The following USP6NL variants were observed in gnomAD, a reference collection of about 807,000 sequenced individuals.
The protein encoded by USP6NL is USP6 N-terminal like.
USP6NL carries 26 observed loss-of-function variants against 61.9 expected under a neutral mutation model. The ratio of observed to expected loss-of-function variants is 0.42; its 90% confidence interval spans 0.31 to 0.58. The LOEUF is 0.58. USP6NL is among the 20% of genes least tolerant of loss of function. The pLI, the probability that USP6NL is intolerant of heterozygous loss-of-function variation, is 0.16. For missense variants in USP6NL, 1,114 were observed against 1,034.3 expected, an observed-to-expected ratio of 1.08 and a Z score of -1.06; for synonymous variants, 432 against 390.1, an observed-to-expected ratio of 1.11 and a Z score of -1.27.
intron 4 of USP6NL, among the ~76,000 whole-genome samples, chr10:11,524,758 T>C (rs1835350863): frequency 6.6e-6 from 1 of 152,174 alleles, no homozygotes; most frequent in Admixed American, 6.5e-5. Flanking sequence ...GGAACTAAAG[T>C]ATAAAGATGA....
rs2096217759 is a variant in USP6NL, at chr10:11,462,352, T to C, written c.*89A>G. The C allele has an allele frequency of 5.7e-6, 8 of 1,413,078 alleles. No homozygotes were observed. The highest frequency in any genetic ancestry group is 7.6e-6 in the Non-Finnish European group (8 of 1,054,762). 87.5% of individuals were successfully genotyped at this position (1,413,078 alleles called of 1,614,324 possible). A position where few individuals can be genotyped will look rare whatever the true frequency, so the allele number is the denominator to read the frequency against. ...GGAGAGATGTGCGAGTTGTTTACAA[T>C]AGTATAAATACTGCTTTGGCAATTA... is the stretch of plus-strand genomic sequence containing the variant. On this transcript the variant is annotated 3_prime_UTR_variant, in exon 15 of 15. Coordinates refer to ENST00000609104, the MANE Select transcript of USP6NL (RefSeq NM_014688.5).
At position 11,489,479 on chromosome 10, in the gene USP6NL, T is replaced by G. The variant is rs1393074402; in HGVS notation, c.544-257A>C. Among the ~76,000 whole-genome samples, 2 of 152,218 alleles carry G rather than the reference T, an allele frequency of 1.3e-5. No homozygotes were observed. Among genetic ancestry groups the G allele is most frequent in the Non-Finnish European group, 2.9e-5 (2 of 68,042 alleles). The stretch of plus-strand genomic sequence containing the variant: ...GACTCGGTCTTCAATACTGTCACAC[T>G]TTCTTTAAAGAGTGATAATATTTAT... On this transcript the variant is annotated intron_variant, in intron 9 of 14. Transcript: ENST00000609104. This position sits in a 1 kb window ranked among gnomAD's most constrained non-coding sequence, Gnocchi z 5.7.
intron 13 of USP6NL, among the ~76,000 whole-genome samples, chr10:11,484,395 AG>A (rs1462942177): frequency 2.8e-5 from 4 of 141,580 alleles, no homozygotes; most frequent in African/African-American, 1.0e-4. Flanking sequence ...AAAATTCTCC[AG>A]TTTTTTTTTT....
chr10:11,541,425 T>A (rs1353642318), intron 2 of USP6NL, among the ~76,000 whole-genome samples: 1 of 151,700 alleles, frequency 6.6e-6, no homozygotes, highest in Non-Finnish European at 1.5e-5. Flanking sequence ...GAGGTAGGTA[T>A]CATTATTGCC....
At chr10:11,566,260 T>C (rs970341915) in intron 2 of USP6NL, among the ~76,000 whole-genome samples, 1 of 152,088 alleles carries the variant, frequency 6.6e-6, no homozygotes, top group African/African-American at 2.4e-5. Context: ...ACATGAAAAA[T>C]GCATTCAGCA....
chr10:11,608,646 T>C (rs567322820), intron 1 of USP6NL, among the ~76,000 whole-genome samples: 26 of 152,222 alleles, frequency 1.7e-4, no homozygotes, highest in Non-Finnish European at 2.9e-4. Flanking sequence ...ATGGGTTTTA[T>C]AGCTCCCTGT....
At chr10:11,504,682 A>G (rs1834359934) in intron 6 of USP6NL, among the ~76,000 whole-genome samples, 1 of 152,254 alleles carries the variant, frequency 6.6e-6, no homozygotes, top group African/African-American at 2.4e-5. Flanking sequence ...CTTTGTGGCC[A>G]ACGCTTATGA....
rs978904873 is a variant in USP6NL, at chr10:11,487,022, A to G, written c.665-1111T>C. ...ACAGAAATTCTATTTCTCCTTTAGT[A>G]ATATTTTTCAGTGAAATTGTTTCAT... On this transcript the variant is annotated intron_variant, in intron 10 of 14. Transcript: ENST00000609104. The surrounding 1 kb of genome is among the most constrained non-coding windows in gnomAD (Gnocchi z 4.2). 1.3e-5 allele frequency among the ~76,000 whole-genome samples: 2 copies of G among 152,098 alleles called. No individual in the cohort carries two copies. The highest frequency in any genetic ancestry group is 4.8e-5 in the African/African-American group (2 of 41,412).
At chr10:11,467,400 A>G (rs1832517500) in intron 14 of USP6NL, among the ~76,000 whole-genome samples, 1 of 152,228 alleles carries the variant, frequency 6.6e-6, no homozygotes, top group African/African-American at 2.4e-5. Flanking sequence ...TTGACAATGC[A>G]TATTGAAATG....
Position 11,462,387 on chromosome 10 carries a change from C to G in USP6NL, c.*54G>C, listed in dbSNP as rs1591805495. The G allele has an allele frequency of 6.4e-7, 1 of 1,562,670 alleles. No individual in the cohort carries two copies. Among genetic ancestry groups the G allele is most frequent in the Non-Finnish European group, 8.7e-7 (1 of 1,153,248 alleles). The stretch of plus-strand genomic sequence containing the variant: ...ACTGCTTTGGCAATTATGAACATAG[C>G]AATGTAGGTTTCACGTGGTTTCTCT... On this transcript the variant is annotated 3_prime_UTR_variant, in exon 15 of 15. Coordinates refer to ENST00000609104, the MANE Select transcript of USP6NL (RefSeq NM_014688.5).
chr10:11,462,473 C>T lies in USP6NL; in HGVS notation c.2455G>A (p.Gly819Arg), dbSNP rs757389055. ...AACACTGACTCTTGGATGGAAAGCC[C>T]GTCCCGATTCCTGTAGTGGTAGGCT... Reference protein sequence around the residue: ...PPAYHYRNRDGLSIQESVLL With the variant: ...PPAYHYRNRDRLSIQESVLL The change falls in exon 15 of 15, where the codon GGG becomes AGG. Residue 819 changes from glycine to arginine, a missense_variant. Gly to Arg is a moderately radical substitution (Grantham distance 125, BLOSUM62 -2). Transcript: ENST00000609104. The T allele has an allele frequency of 3.7e-6, 6 of 1,613,674 alleles. No homozygotes were observed. The highest frequency in any genetic ancestry group is 1.3e-5 in the African/African-American group (1 of 74,904).
At chr10:11,464,395 G>A (rs990373355) in intron 14 of USP6NL, among the ~76,000 whole-genome samples, 1 of 152,226 alleles carries the variant, frequency 6.6e-6, no homozygotes, top group South Asian at 2.1e-4. Flanking sequence ...TGCTCAGAAA[G>A]CTGTACCTGT....
chr10:11,466,563 A>C (rs1021444704), intron 14 of USP6NL, among the ~76,000 whole-genome samples: 1 of 152,218 alleles, frequency 6.6e-6, no homozygotes, highest in Admixed American at 6.5e-5. Context: ...TTAATATATA[A>C]AGAAAAACCT....
rs896810813 is a variant in USP6NL, at chr10:11,478,674, G to A, written c.1078+3096C>T. ...TATCCTAGCACTTTGGGAGGCTGAG[G>A]TGGGCAGATTGCTTGAGTCCAGGAG... On this transcript the variant is annotated intron_variant, in intron 14 of 14. Coordinates refer to ENST00000609104, the MANE Select transcript of USP6NL (RefSeq NM_014688.5). This position sits in a 1 kb window ranked among gnomAD's most constrained non-coding sequence, Gnocchi z 6.8. Among the ~76,000 whole-genome samples, 10 of 152,166 alleles carry A rather than the reference G, an allele frequency of 6.6e-5. No individual in the cohort carries two copies. Among genetic ancestry groups the A allele is most frequent in the Non-Finnish European group, 1.3e-4 (9 of 68,032 alleles).
chr10:11,557,854 C>G (rs1274442307), intron 2 of USP6NL, among the ~76,000 whole-genome samples: 1 of 152,192 alleles, frequency 6.6e-6, no homozygotes, highest in Non-Finnish European at 1.5e-5. Flanking sequence ...CAGTATTAGT[C>G]TGCTGGTCCA....
In USP6NL at chr10:11,474,879, A is replaced by G. The variant is rs1033439025; in HGVS notation, c.1078+6891T>C. Among the ~76,000 whole-genome samples the G allele has an allele frequency of 6.6e-5, 10 of 152,164 alleles. No homozygotes were observed. Among genetic ancestry groups the G allele is most frequent in the Admixed American group, 2.0e-4 (3 of 15,276 alleles). ...CGGGGAGGTGGGATGTGAAGTGTGG[A>G]AGCTGCGGACAGAAAAGTGCTATAC... On this transcript the variant is annotated intron_variant, in intron 14 of 14. Transcript: ENST00000609104. The surrounding 1 kb of genome is among the most constrained non-coding windows in gnomAD (Gnocchi z 4.9).
Position 11,516,130 on chromosome 10 carries a change from G to A in USP6NL, c.195+2405C>T, listed in dbSNP as rs74116266. Among the ~76,000 whole-genome samples the A allele has an allele frequency of 3.0e-3, 463 of 152,258 alleles. 6 individuals are homozygous for A. The highest frequency in any genetic ancestry group is 0.011 in the African/African-American group (450 of 41,542). On this transcript the variant is annotated intron_variant, in intron 5 of 14. Transcript: ENST00000609104. ...ATAATGTTTGTTTATGTGCTTAAGT[G>A]CCTGTTTGGGGGAAACCAAAGCACT...
chr10:11,531,459 A>G (rs1835654112), intron 2 of USP6NL, among the ~76,000 whole-genome samples: 1 of 152,062 alleles, frequency 6.6e-6, no homozygotes, highest in Non-Finnish European at 1.5e-5. Context: ...AGTAGCTGGG[A>G]CTACAGGTGT....
intron 2 of USP6NL, among the ~76,000 whole-genome samples, chr10:11,555,459 GAGAGAGAGAGAA>G (rs1179915338): frequency 0.016 from 1,404 of 88,004 alleles, 42 homozygotes; most frequent in Non-Finnish European, 0.026. Flanking sequence ...TATAGAGAGA[GAGAGAGAGAGAA>G]AGAGAGAGAG....
Sources: gnomAD v4.1 joint callset for allele counts (sites outside exome capture counted in the v4.1 genomes callset) on GRCh38, gnomAD v4.1.1 for gene constraint, Gnocchi (gnomAD v3.1) non-coding constraint, MANE v1.5 for transcripts, NCBI Gene and HGNC (gene_info 2026-07-23, HGNC 2026-07-21) for gene names.